PKHD1L1: variants seen among roughly 807,000 people sequenced by gnomAD.
PKHD1L1 encodes the protein PKHD1 like 1.
PKHD1L1 carries 434 observed loss-of-function variants against 462.9 expected under a neutral mutation model. The observed-to-expected ratio is 0.94, with a 90% confidence interval of 0.87 to 1.02. The LOEUF (loss-of-function observed/expected upper bound fraction) is 1.02, where lower values mean the gene tolerates loss of function less well. PKHD1L1 is among the 50% of genes least tolerant of loss of function. The pLI, the probability that PKHD1L1 is intolerant of heterozygous loss-of-function variation, is 0.00. For missense variants in PKHD1L1, 5,202 were observed against 5,096.1 expected (o/e 1.02, Z -0.63); for synonymous variants, 1,781 against 1,750.0 (o/e 1.02, Z -0.44).
rs777182917 is a variant in PKHD1L1 at position 109,507,928 on chromosome 8, C to A, written c.11227+33C>A. On this transcript the variant is annotated intron_variant, in intron 69 of 77. Transcript: ENST00000378402. ...GGATCTTGCTTAATCTGTCATTAGGCCTTAAACTCATGAAACAAAATATGT... is the reference window on the plus strand; with the variant it reads ...GGATCTTGCTTAATCTGTCATTAGGACTTAAACTCATGAAACAAAATATGT... 3.8e-6 allele frequency: 6 copies of A among 1,593,316 alleles called. No individual in the cohort carries two copies. The African/African-American group carries it at 5.4e-5, about 14-fold the overall frequency.
At chr8:109,369,362 G>T (rs1484310050) in intron 2 of PKHD1L1, among the ~76,000 whole-genome samples, 1 of 152,046 alleles carries the variant, frequency 6.6e-6, no homozygotes, top group Non-Finnish European at 1.5e-5. Flanking sequence ...TTAAAAGTCA[G>T]AAATATTTAT....
At position 109,440,733 on chromosome 8, in the gene PKHD1L1, A is replaced by G. The variant is rs1180628730; in HGVS notation, c.3980A>G (p.Gln1327Arg). Residue 1327 changes from glutamine to arginine, a missense_variant, in exon 33 of 78, where the codon CAG becomes CGG. Around this residue, in one of 3 missense-constraint regions of PKHD1L1, gnomAD observed 4,497 missense variants for 4,336.8 expected, o/e 1.04. Transcript: ENST00000378402. ...STRDKLNSSIQYVLEVTSMFP... is the reference protein window; with the variant it reads ...STRDKLNSSIRYVLEVTSMFP... The stretch of plus-strand genomic sequence containing the variant: ...AGAGACAAATTAAATTCTTCAATAC[A>G]GTATGTTTTAGAAGTGACCAGCATG... The G allele has an allele frequency of 6.2e-7, 1 of 1,612,386 alleles. No individual in the cohort carries two copies. The highest frequency in any genetic ancestry group is 8.5e-7 in the Non-Finnish European group (1 of 1,178,822).
Position 109,486,706 on chromosome 8 carries a change from G to A in PKHD1L1, c.9765G>A (p.Gly3255=), listed in dbSNP as rs184353645. 10 of 1,612,470 alleles carry A rather than the reference G, an allele frequency of 6.2e-6. No homozygotes were observed. Among genetic ancestry groups the A allele is most frequent in the Non-Finnish European group, 8.5e-6 (10 of 1,178,898 alleles). The change falls in exon 59 of 78, where the codon GGG becomes GGA. Residue 3255 remains glycine (G), a synonymous_variant. Coordinates refer to ENST00000378402, the MANE Select transcript of PKHD1L1 (RefSeq NM_177531.6). ...GESYTLAADV[G]ILSRNIKIVG... is the part of the protein sequence containing the mutation. ...GCTACACGTTAGCAGCTGATGTTGGGATACTGAGTAGGAACATCAAAATAG... is the reference window on the plus strand; with the variant it reads ...GCTACACGTTAGCAGCTGATGTTGGAATACTGAGTAGGAACATCAAAATAG...
chr8:109,432,305 G>T (rs1815153975), intron 27 of PKHD1L1, among the ~76,000 whole-genome samples: 1 of 151,822 alleles, frequency 6.6e-6, no homozygotes, highest in Admixed American at 6.6e-5. Flanking sequence ...ATTCCATTAT[G>T]GTCAACCCCA....
intron 2 of PKHD1L1, among the ~76,000 whole-genome samples, chr8:109,374,245 C>G (rs983564520): frequency 2.0e-5 from 3 of 152,174 alleles, no homozygotes; most frequent in South Asian, 2.1e-4. Context: ...GATCCCTTTA[C>G]CATTATGTAA....
chr8:109,507,756 T>A lies in PKHD1L1; in HGVS notation c.11088T>A (p.Ala3696=). The A allele has an allele frequency of 6.2e-7, 1 of 1,613,546 alleles. No homozygotes were observed. The change falls in exon 69 of 78, where the codon GCT becomes GCA. Residue 3696 remains alanine, a synonymous_variant. Coordinates refer to ENST00000378402, the MANE Select transcript of PKHD1L1 (RefSeq NM_177531.6). ...TAGATGGCTCCTTTCTGGGGAATGC[T>A]GGTTCTGTGATACCTCAAGCAGAAT... is the stretch of plus-strand genomic sequence containing the variant. ...RDIDGSFLGN[A]GSVIPQAEYE...
Position 109,383,919 on chromosome 8 carries a change from C to A in PKHD1L1, c.418-151C>A, listed in dbSNP as rs1244021700. On this transcript the variant is annotated intron_variant, in intron 4 of 77. Transcript: ENST00000378402. The stretch of plus-strand genomic sequence containing the variant: ...GATGATCCTATCCTCTAATTTAACT[C>A]TTAGGTTCATCTTATTTAAATATCT... 3 of 655,710 alleles carry A rather than the reference C, an allele frequency of 4.6e-6. No homozygotes were observed. The South Asian group carries it at 5.3e-5, about 11-fold the overall frequency. The allele number at this position is 655,710 out of a possible 1,614,324, so 40.6% of individuals were successfully genotyped here.
rs1021879728 is a variant in PKHD1L1 at position 109,537,107 on chromosome 8, G to A, written c.*7017G>A. Among the ~76,000 whole-genome samples, 2 of 152,238 alleles carry A rather than the reference G, an allele frequency of 1.3e-5. No individual in the cohort carries two copies. The highest frequency in any genetic ancestry group is 1.5e-5 in the Non-Finnish European group (1 of 68,012). Reference sequence around the variant, plus strand: ...TGCTCAAAGATGTCACTCTATGTGCGGCAAAGCTTTGTTTTACTTGATCAA... The same window carrying A: ...TGCTCAAAGATGTCACTCTATGTGCAGCAAAGCTTTGTTTTACTTGATCAA... On this transcript the variant is annotated 3_prime_UTR_variant, in exon 78 of 78. Transcript: ENST00000378402.
rs1403753121 is a variant in PKHD1L1 at position 109,441,301 on chromosome 8, T to G, written c.4126T>G (p.Ser1376Ala). The change falls in exon 34 of 78, where the codon TCA (serine) becomes GCA (alanine). Residue 1376 changes from serine (S) to alanine (A), a missense_variant. Transcript: ENST00000378402. ...GTCCATCCCTTGCAATGTTACATCA[T>G]CATCAGAAAATGTCATAAAATGTAT... ...LGSIPCNVTSSSENVIKCILH... is the reference protein window; with the variant it reads ...LGSIPCNVTSASENVIKCILH... 1 of 1,584,584 alleles carries G rather than the reference T, an allele frequency of 6.3e-7. No individual in the cohort carries two copies. The highest frequency in any genetic ancestry group is 8.6e-7 in the Non-Finnish European group (1 of 1,160,590).
chr8:109,451,291 A>G lies in PKHD1L1; in HGVS notation c.6350+142A>G, dbSNP rs189951895. On this transcript the variant is annotated intron_variant, in intron 41 of 77. Coordinates refer to ENST00000378402, the MANE Select transcript of PKHD1L1 (RefSeq NM_177531.6). ...CTCGTAACTTAAGCTTAAGGCAAAAATAGTACTAATTGCTAACATTTATTG... is the reference window on the plus strand; with the variant it reads ...CTCGTAACTTAAGCTTAAGGCAAAAGTAGTACTAATTGCTAACATTTATTG... 5.0e-5 allele frequency: 43 copies of G among 866,144 alleles called. No individual in the cohort carries two copies. The African/African-American group carries it at 7.0e-4, about 14-fold the overall frequency. The allele number at this position is 866,144 out of a possible 1,614,324, so 53.7% of individuals were successfully genotyped here.
rs1447913050 is a variant in PKHD1L1 at position 109,536,377 on chromosome 8, G to A, written c.*6287G>A. Among the ~76,000 whole-genome samples the A allele has an allele frequency of 6.6e-6, 1 of 152,198 alleles. No individual in the cohort carries two copies. The highest frequency in any genetic ancestry group is 2.4e-5 in the African/African-American group (1 of 41,436). ...CATCATGCTGTAGCTCAATGAATGA[G>A]TCTCACATTGTTTCATGTTGTTTTA... On this transcript the variant is annotated 3_prime_UTR_variant, in exon 78 of 78. Transcript: ENST00000378402.
chr8:109,526,903 G>C lies in PKHD1L1; in HGVS notation c.12604G>C (p.Ala4202Pro). The C allele has an allele frequency of 6.2e-7, 1 of 1,612,950 alleles. No individual in the cohort carries two copies. Among genetic ancestry groups the C allele is most frequent in the Non-Finnish European group, 8.5e-7 (1 of 1,179,522 alleles). ...CAGCAGCAGCAGCAGCAACAGCAAAGCATCAACTGTGGGTACATATGCCCA... is the reference window on the plus strand; with the variant it reads ...CAGCAGCAGCAGCAGCAACAGCAAACCATCAACTGTGGGTACATATGCCCA... ...SGSSSSSNSKASTVGTYAQIM... is the reference protein window; with the variant it reads ...SGSSSSSNSKPSTVGTYAQIM... Residue 4202 changes from alanine (A) to proline (P), a missense_variant, in exon 77 of 78, where the codon GCA becomes CCA. Physicochemically the swap from Ala to Pro is conservative, Grantham distance 27 (BLOSUM62 -1). Around this residue, in one of 3 missense-constraint regions of PKHD1L1, gnomAD observed 698 missense variants for 736.3 expected, o/e 0.95. Transcript: ENST00000378402.
intron 68 of PKHD1L1, 38 bp downstream of exon 68, chr8:109,504,530 A>G (rs1221492259): frequency 1.6e-6 from 2 of 1,268,844 alleles, no homozygotes; most frequent in Non-Finnish European, 1.1e-6. Flanking sequence ...CTATCTTTAT[A>G]GTTTTTCATT....
In PKHD1L1 at chr8:109,521,920, C is replaced by T. The variant is rs557765628; in HGVS notation, c.12032-266C>T. On this transcript the variant is annotated intron_variant, in intron 73 of 77. Coordinates refer to ENST00000378402, the MANE Select transcript of PKHD1L1 (RefSeq NM_177531.6). ...ATTAAATTAAGAGACATATATTCTC[C>T]CACTATGTTTTCATTCGTTTTTCTT... 3.3e-5 allele frequency among the ~76,000 whole-genome samples: 5 copies of T among 152,210 alleles called. No homozygotes were observed. The South Asian group carries it at 8.3e-4, about 25-fold the overall frequency.
chr8:109,426,961 A>C (rs1814784215), intron 24 of PKHD1L1, 41 bp from the exon 25 acceptor site: 1 of 1,132,750 alleles, frequency 8.8e-7, no homozygotes, highest in Non-Finnish European at 1.3e-6. Flanking sequence ...CCCGTTTGTG[A>C]ATTGTGACTC....
At chr8:109,412,125 A>G (rs1813887658) in intron 19 of PKHD1L1, 140 bp from the exon 20 acceptor site, 5 of 760,526 alleles carry the variant, frequency 6.6e-6, no homozygotes, top group Non-Finnish European at 1.0e-5. Context: ...GATTTCAGAC[A>G]AGGAAGAAAA....
chr8:109,382,766 C>A (rs565501005), intron 4 of PKHD1L1, among the ~76,000 whole-genome samples, 195 bp downstream of exon 4: 1 of 151,860 alleles, frequency 6.6e-6, no homozygotes, highest in African/African-American at 2.4e-5. Flanking sequence ...ATTTGTTTCC[C>A]CTCCTTTAAT....
chr8:109,483,408 A>G (rs1369583351), intron 57 of PKHD1L1, among the ~76,000 whole-genome samples: 1 of 149,350 alleles, frequency 6.7e-6, no homozygotes, highest in Non-Finnish European at 1.5e-5. Flanking sequence ...GACATATATG[A>G]CTATAGATTA....
At chr8:109,401,930 T>C (rs1374664252) in intron 14 of PKHD1L1, among the ~76,000 whole-genome samples, 1 of 152,164 alleles carries the variant, frequency 6.6e-6, no homozygotes, top group Admixed American at 6.6e-5. Context: ...TCAGTATTGC[T>C]AGGGAAAAAT....
Sources: allele counts gnomAD v4.1 joint callset (sites outside exome capture counted in the v4.1 genomes callset), GRCh38; gene constraint gnomAD v4.1.1; regional missense constraint gnomAD v4.1.1; transcripts MANE v1.5; gene names NCBI Gene and HGNC (gene_info 2026-07-23, HGNC 2026-07-21).